Variants in ADGRV1 observed in about 807,000 individuals in gnomAD.
ADGRV1 encodes the protein adhesion G protein-coupled receptor V1, also known as G-protein coupled receptor 98.
ADGRV1 carries 359 observed loss-of-function variants against 596.2 expected under a neutral mutation model. The observed-to-expected ratio is 0.60, with a 90% CI of 0.55 to 0.66. ADGRV1 has a LOEUF of 0.66. Among genes scored for constraint, ADGRV1 ranks in the 30% least tolerant of loss-of-function variants. The pLI is 0.00. For synonymous variants in ADGRV1, 2,681 were observed against 2,679.2 expected (o/e 1.00, Z -0.02); for missense variants, 7,274 against 7,575.6 (o/e 0.96, Z 1.48).
chr5:90,678,369 G>A (rs940913037), intron 25 of ADGRV1, among the ~76,000 whole-genome samples: 13 of 151,606 alleles, frequency 8.6e-5, no homozygotes. Context: ...ATAATGGTTG[G>A]GGTACAAGAT....
At chr5:90,897,944 T>C (rs982077280) in intron 83 of ADGRV1, among the ~76,000 whole-genome samples, 1 of 152,218 alleles carries the variant, frequency 6.6e-6, no homozygotes, top group Admixed American at 6.5e-5. Flanking sequence ...CAGACCCTGC[T>C]GACTTTAGCC....
At chr5:90,763,262 T>G in intron 58 of ADGRV1, 43 bp from the exon 59 acceptor site, 1 of 1,371,780 alleles carries the variant, frequency 7.3e-7, no homozygotes, top group Non-Finnish European at 9.7e-7. Context: ...CTGCTCTTTT[T>G]GTTTTTTTTT....
intron 89 of ADGRV1, among the ~76,000 whole-genome samples, chr5:91,157,486 T>G (rs1389336388): frequency 6.6e-6 from 1 of 152,160 alleles, no homozygotes; most frequent in Non-Finnish European, 1.5e-5. Flanking sequence ...GACATCACTT[T>G]CTTTTCTCCT....
chr5:91,094,132 A>C (rs909756154), intron 86 of ADGRV1, among the ~76,000 whole-genome samples: 9 of 152,104 alleles, frequency 5.9e-5, no homozygotes, highest in Admixed American at 5.9e-4. Context: ...GATTATAGGC[A>C]TGAGCCACTG....
chr5:90,800,761 T>A (rs1761275390), intron 70 of ADGRV1, among the ~76,000 whole-genome samples: 1 of 152,172 alleles, frequency 6.6e-6, no homozygotes, highest in Non-Finnish European at 1.5e-5. Context: ...GATGAGTTCA[T>A]GTCCTTTGCA....
intron 83 of ADGRV1, among the ~76,000 whole-genome samples, chr5:90,944,335 A>G (rs1776399586): frequency 1.3e-5 from 2 of 152,176 alleles, no homozygotes; most frequent in African/African-American, 2.4e-5. Flanking sequence ...GGCAGCAGGC[A>G]TTTACATGTA....
intron 29 of ADGRV1, among the ~76,000 whole-genome samples, chr5:90,688,336 A>G (rs977160998): frequency 6.6e-6 from 1 of 152,174 alleles, no homozygotes; most frequent in Non-Finnish European, 1.5e-5. Flanking sequence ...AAAACTGGCT[A>G]GCCATATGTT....
chr5:91,085,735 C>G (rs912510648), intron 86 of ADGRV1, among the ~76,000 whole-genome samples: 1 of 152,190 alleles, frequency 6.6e-6, no homozygotes, highest in Non-Finnish European at 1.5e-5. Flanking sequence ...AAATATTTCT[C>G]TCTCCTGTAG....
chr5:90,759,518 A>T lies in ADGRV1; in HGVS notation c.12050A>T (p.Asp4017Val). The change falls in exon 58 of 90, where the codon GAT becomes GTT. Residue 4017 changes from aspartate (D) to valine (V), a missense_variant. By Grantham distance (152) the Asp-to-Val change is radical. Around this residue, in one of 5 missense-constraint regions of ADGRV1, gnomAD observed 3,643 missense variants for 3,809.2 expected, o/e 0.96. Coordinates refer to ENST00000405460, the MANE Select transcript of ADGRV1 (RefSeq NM_032119.4). ...SVAGGGRLGD[D>V]VVVTVVIPQN... is the part of the protein sequence containing the mutation. ...GCTGGAGGTGGCAGACTTGGTGATG[A>T]TGTTGTGGTAACTGTTGTTATTCCA... 1 of 1,613,288 alleles carries T rather than the reference A, an allele frequency of 6.2e-7. No homozygotes were observed. Among genetic ancestry groups the T allele is most frequent in the Non-Finnish European group, 8.5e-7 (1 of 1,179,440 alleles).
chr5:91,107,901 A>C (rs1792032847), intron 87 of ADGRV1, among the ~76,000 whole-genome samples: 1 of 152,202 alleles, frequency 6.6e-6, no homozygotes, highest in Admixed American at 6.5e-5. Context: ...GTGACACATA[A>C]TAGTATATGT....
At chr5:91,052,047 C>T (rs1044476543) in intron 85 of ADGRV1, among the ~76,000 whole-genome samples, 3 of 152,158 alleles carry the variant, frequency 2.0e-5, no homozygotes, top group Non-Finnish European at 2.9e-5. Flanking sequence ...ATAATTATTA[C>T]AGCCAAAACT....
At chr5:91,112,068 C>T (rs945959137) in intron 87 of ADGRV1, among the ~76,000 whole-genome samples, 5 of 152,226 alleles carry the variant, frequency 3.3e-5, no homozygotes, top group African/African-American at 7.2e-5. Context: ...CAATGAGTGA[C>T]AGTGTCTGAC....
intron 87 of ADGRV1, among the ~76,000 whole-genome samples, chr5:91,111,713 C>T (rs191204420): frequency 7.9e-5 from 12 of 152,152 alleles, no homozygotes; most frequent in Admixed American, 2.0e-4. Context: ...TCATGAAGAG[C>T]GGAAAAGCAG....
In ADGRV1 at chr5:90,628,736, G is replaced by A; in HGVS notation, c.1413G>A (p.Val471=). The A allele has an allele frequency of 1.2e-6, 2 of 1,613,946 alleles. No homozygotes were observed. Among genetic ancestry groups the A allele is most frequent in the East Asian group, 4.5e-5 (2 of 44,874 alleles). ...TGTTGGCAACAATTCCTCTTACTGTGGTTGATGATGATCTTCCAGAAGAGG... is the reference window on the plus strand; with the variant it reads ...TGTTGGCAACAATTCCTCTTACTGTAGTTGATGATGATCTTCCAGAAGAGG... The part of the protein sequence containing the change: ...GQMLATIPLT[V]VDDDLPEEAE... Residue 471 remains valine (V), a synonymous_variant, in exon 8 of 90, where the codon GTG becomes GTA. Transcript: ENST00000405460.
chr5:91,041,985 G>C (rs1049341152), intron 85 of ADGRV1, among the ~76,000 whole-genome samples: 1 of 152,130 alleles, frequency 6.6e-6, no homozygotes, highest in Non-Finnish European at 1.5e-5. Flanking sequence ...CCTCCACTAG[G>C]AAGTATTTTT....
chr5:91,158,585 AG>A (rs1345646810), intron 89 of ADGRV1, among the ~76,000 whole-genome samples: 1 of 152,216 alleles, frequency 6.6e-6, no homozygotes, highest in African/African-American at 2.4e-5. Flanking sequence ...AATATGTGTC[AG>A]AGAGTATGTA....
At chr5:90,842,779 A>G (rs912777975) in intron 78 of ADGRV1, among the ~76,000 whole-genome samples, 1 of 152,214 alleles carries the variant, frequency 6.6e-6, no homozygotes, top group Non-Finnish European at 1.5e-5. Context: ...GAAAATGACT[A>G]GTATTTTATT....
At chr5:90,712,782 C>G (rs1184817614) in intron 42 of ADGRV1, among the ~76,000 whole-genome samples, 4 of 151,660 alleles carry the variant, frequency 2.6e-5, no homozygotes, top group Non-Finnish European at 5.9e-5. Context: ...GTAATTCTAC[C>G]TTTGTAGAAT....
intron 1 of ADGRV1, among the ~76,000 whole-genome samples, chr5:90,609,369 A>T (rs1043531471): frequency 4.0e-5 from 6 of 151,640 alleles, no homozygotes; most frequent in Non-Finnish European, 7.4e-5. Context: ...AAAGACAAAT[A>T]ACATTAACTA....
Sources: allele counts gnomAD v4.1 joint callset (sites outside exome capture counted in the v4.1 genomes callset), GRCh38; gene constraint gnomAD v4.1.1; regional missense constraint gnomAD v4.1.1; transcripts MANE v1.5; gene names NCBI Gene and HGNC (gene_info 2026-07-23, HGNC 2026-07-21).